The following CNTN5 variants were observed in gnomAD, a reference collection of about 807,000 sequenced individuals.
The protein encoded by CNTN5 is contactin 5.
A neutral mutation model predicts 129.1 loss-of-function variants in CNTN5; 77 were observed. That is an observed-to-expected ratio of 0.60 (90% CI 0.50 to 0.72). The LOEUF (loss-of-function observed/expected upper bound fraction) is 0.72, where lower values mean the gene tolerates loss of function less well. Among genes scored for constraint, CNTN5 ranks in the 30% least tolerant of loss-of-function variants. The pLI is 0.00. For missense variants in CNTN5, 1,478 were observed against 1,328.8 expected, an observed-to-expected ratio of 1.11 and a Z score of -1.75; for synonymous variants, 509 against 465.6, an observed-to-expected ratio of 1.09 and a Z score of -1.20.
In CNTN5 at chr11:99,162,209, G is replaced by A. The variant is rs74678363; in HGVS notation, c.-210+140939G>A. 6.8e-4 allele frequency among the ~76,000 whole-genome samples: 103 copies of A among 151,908 alleles called. No individual in the cohort carries two copies. In the East Asian group the frequency reaches 0.016, roughly 24 times the overall value. Reference sequence around the variant, plus strand: ...GATATTTGTTTTCTCTGGCTTCTGTGCATAAGACCCAGTTCTCCCCAGTAA... The same window carrying A: ...GATATTTGTTTTCTCTGGCTTCTGTACATAAGACCCAGTTCTCCCCAGTAA... On this transcript the variant is annotated intron_variant, in intron 1 of 24. Coordinates refer to ENST00000524871, the MANE Select transcript of CNTN5 (RefSeq NM_014361.4).
At chr11:100,047,861 G>A (rs994196904) in intron 9 of CNTN5, among the ~76,000 whole-genome samples, 4 of 152,188 alleles carry the variant, frequency 2.6e-5, no homozygotes, top group Non-Finnish European at 4.4e-5. Flanking sequence ...GGCCTGAGGC[G>A]GTGGTTCACG....
At chr11:99,036,538 A>C (rs567108455) in intron 1 of CNTN5, among the ~76,000 whole-genome samples, 1 of 152,200 alleles carries the variant, frequency 6.6e-6, no homozygotes, top group Non-Finnish European at 1.5e-5. Flanking sequence ...ATATGAAAAC[A>C]AATAAATATG....
intron 3 of CNTN5, among the ~76,000 whole-genome samples, chr11:99,610,499 C>T (rs1382880038): frequency 3.3e-5 from 5 of 152,100 alleles, no homozygotes; most frequent in Non-Finnish European, 2.9e-5. Context: ...GTGCTTTAAT[C>T]AGATTCAAAG....
At chr11:99,982,409 G>A (rs1228040807) in intron 8 of CNTN5, among the ~76,000 whole-genome samples, 1 of 152,168 alleles carries the variant, frequency 6.6e-6, no homozygotes. Flanking sequence ...GGGGTAAAAA[G>A]ACAGCTGGCA....
chr11:100,009,020 T>C (rs1046226730), intron 9 of CNTN5, among the ~76,000 whole-genome samples: 1 of 152,088 alleles, frequency 6.6e-6, no homozygotes, highest in Non-Finnish European at 1.5e-5. Context: ...TATAAGCTTA[T>C]ATCTTTCCCA....
At chr11:100,157,294 C>A (rs1471885093) in intron 13 of CNTN5, among the ~76,000 whole-genome samples, 1 of 151,692 alleles carries the variant, frequency 6.6e-6, no homozygotes, top group African/African-American at 2.4e-5. Flanking sequence ...AAATAAGATT[C>A]ACATGGTTGT....
intron 13 of CNTN5, among the ~76,000 whole-genome samples, chr11:100,124,959 C>T (rs912350746): frequency 4.6e-5 from 7 of 152,050 alleles, no homozygotes; most frequent in Admixed American, 1.3e-4. Flanking sequence ...GAAATACAGA[C>T]GTCTGAGTCT....
At chr11:99,541,719 C>A (rs1359568040) in intron 2 of CNTN5, among the ~76,000 whole-genome samples, 1 of 152,008 alleles carries the variant, frequency 6.6e-6, no homozygotes, top group East Asian at 1.9e-4. Context: ...GAAGCCAAGG[C>A]AAAAGAATGG....
chr11:99,425,373 C>T (rs1272407741), intron 2 of CNTN5, among the ~76,000 whole-genome samples: 2 of 152,220 alleles, frequency 1.3e-5, no homozygotes, highest in Non-Finnish European at 2.9e-5. Flanking sequence ...ACCTGTCTGT[C>T]TCCTGCCATC....
At chr11:100,242,672 C>T (rs1949766549) in intron 16 of CNTN5, among the ~76,000 whole-genome samples, 1 of 152,170 alleles carries the variant, frequency 6.6e-6, no homozygotes. Context: ...TGGTGTTAAA[C>T]CATGAGAAAT....
intron 3 of CNTN5, among the ~76,000 whole-genome samples, chr11:99,713,751 A>C (rs1250656813): frequency 6.6e-6 from 1 of 151,968 alleles, no homozygotes; most frequent in Non-Finnish European, 1.5e-5. Flanking sequence ...ATGTGGTCAA[A>C]CCTGGGGCAT....
At chr11:99,778,484 G>A (rs1945201609) in intron 3 of CNTN5, among the ~76,000 whole-genome samples, 1 of 151,718 alleles carries the variant, frequency 6.6e-6, no homozygotes. Flanking sequence ...ATGGATAAAA[G>A]CTCTTATTCC....
chr11:99,707,879 G>A (rs1244347331), intron 3 of CNTN5, among the ~76,000 whole-genome samples: 1 of 151,230 alleles, frequency 6.6e-6, no homozygotes, highest in Non-Finnish European at 1.5e-5. Context: ...TCCAAAATGG[G>A]AAACCTATTT....
intron 13 of CNTN5, among the ~76,000 whole-genome samples, chr11:100,081,654 A>T (rs1178711058): frequency 6.6e-6 from 1 of 152,204 alleles, no homozygotes; most frequent in Non-Finnish European, 1.5e-5. Flanking sequence ...GGTGATACTG[A>T]GGAAAAATTG....
intron 15 of CNTN5, among the ~76,000 whole-genome samples, chr11:100,216,469 T>C (rs1344110706): frequency 2.0e-5 from 3 of 152,150 alleles, no homozygotes; most frequent in Non-Finnish European, 4.4e-5. Flanking sequence ...GGTTAGGAAG[T>C]AAAATTTGGC....
chr11:99,214,460 G>A (rs12146431), intron 1 of CNTN5, among the ~76,000 whole-genome samples: 20,425 of 149,250 alleles, frequency 0.14, 1,536 homozygotes, highest in Middle Eastern at 0.26. Context: ...ACCTAGACTA[G>A]TTACCAGAAA....
chr11:99,462,188 C>T (rs117850886), intron 2 of CNTN5, among the ~76,000 whole-genome samples: 2,873 of 152,104 alleles, frequency 0.019, 39 homozygotes, highest in Middle Eastern at 0.051. Flanking sequence ...TTCTACTAAA[C>T]CACTGACTCT....
intron 8 of CNTN5, among the ~76,000 whole-genome samples, chr11:99,981,103 T>TATATATATATATATATATACAC (rs1014330113): frequency 7.3e-5 from 4 of 54,498 alleles, no homozygotes; most frequent in African/African-American, 2.9e-4. Context: ...TATATATATA[T>TATATATATATATATATATACAC]ACACACACAC....
At chr11:100,326,919 G>A (rs549929867) in intron 21 of CNTN5, among the ~76,000 whole-genome samples, 3 of 152,294 alleles carry the variant, frequency 2.0e-5, no homozygotes, top group Admixed American at 2.0e-4. Flanking sequence ...AATTGAGAAT[G>A]TGATTGAACG....
Sources: allele counts gnomAD v4.1 joint callset (sites outside exome capture counted in the v4.1 genomes callset), GRCh38; gene constraint gnomAD v4.1.1; transcripts MANE v1.5; gene names NCBI Gene and HGNC (gene_info 2026-07-23, HGNC 2026-07-21).